The following SI variants were observed in gnomAD, a reference collection of about 807,000 sequenced individuals.
The protein encoded by SI is sucrase-isomaltase, also known as sucrase-isomaltase, intestinal.
SI carries 235 observed loss-of-function variants against 253.3 expected under a neutral mutation model. That is an observed-to-expected ratio of 0.93 (90% CI 0.83 to 1.03). SI has a LOEUF of 1.03. SI is among the 50% of genes least tolerant of loss of function. The probability of loss-of-function intolerance (pLI) is 0.00; values close to 1 mark genes in which losing one functional copy is unlikely to be tolerated. For missense variants in SI, 2,442 were observed against 2,211.1 expected (o/e 1.10, Z -2.09); for synonymous variants, 819 against 712.0 (o/e 1.15, Z -2.39).
intron 3 of SI, among the ~76,000 whole-genome samples, chr3:165,072,113 A>AGTTT (rs1714616515): frequency 6.6e-6 from 1 of 152,092 alleles, no homozygotes. Flanking sequence ...AATTTTAACA[A>AGTTT]TCATGATCTA....
Position 165,007,950 on chromosome 3 carries a change from A to G in SI, c.4228T>C (p.Cys1410Arg). ...GGATAATTTAGTTCGTCATTTCTGC[A>G]TTGATTAGTAGTTGTTCCATTTACA... The part of the protein sequence containing the change: ...SFVNGTTTNQ[C>R]RNDELNYPPY... The change falls in exon 36 of 48, where the codon TGC (cysteine) becomes CGC (arginine). Residue 1410 changes from cysteine to arginine, a missense_variant. Cys to Arg is a radical substitution (Grantham distance 180, BLOSUM62 -3). Transcript: ENST00000264382. The G allele has an allele frequency of 1.2e-6, 2 of 1,603,232 alleles. No homozygotes were observed. Among genetic ancestry groups the G allele is most frequent in the Non-Finnish European group, 1.7e-6 (2 of 1,171,210 alleles).
At chr3:164,988,596 T>A (rs1356513459) in intron 44 of SI, among the ~76,000 whole-genome samples, 1 of 152,138 alleles carries the variant, frequency 6.6e-6, no homozygotes, top group Non-Finnish European at 1.5e-5. Flanking sequence ...TTAGTAGAAA[T>A]GGACCTGGGT....
Position 165,046,981 on chromosome 3 carries a change from T to G in SI, c.1747A>C (p.Ser583Arg). ...AATGTTGAGCGGGTAAGAATGAAGC[T>G]TCTCTTATTAGGAAAAACTTTTTGT... is the stretch of plus-strand genomic sequence containing the variant. Reference protein sequence around the residue: ...AVQKVFPNKRSFILTRSTFAG... With the variant: ...AVQKVFPNKRRFILTRSTFAG... Residue 583 changes from serine (S) to arginine (R), a missense_variant, in exon 16 of 48, where the codon AGC becomes CGC. By Grantham distance (110) the Ser-to-Arg change is moderately radical. Coordinates refer to ENST00000264382, the MANE Select transcript of SI (RefSeq NM_001041.4). The G allele has an allele frequency of 6.2e-7, 1 of 1,610,134 alleles. No individual in the cohort carries two copies. The highest frequency in any genetic ancestry group is 1.1e-5 in the South Asian group (1 of 90,110).
At position 165,015,228 on chromosome 3, in the gene SI, T is replaced by C; in HGVS notation, c.3894A>G (p.Pro1298=). Reference sequence around the variant, plus strand: ...TCTTTGTTTCATTTCCTGAAATTGCTGGATCCTAAAATTAAAATGAAATAT... The same window carrying C: ...TCTTTGTTTCATTTCCTGAAATTGCCGGATCCTAAAATTAAAATGAAATAT... ...EGMRYIIILD[P]AISGNETKTY... is the part of the protein sequence containing the mutation. The change falls in exon 33 of 48, where the codon CCA becomes CCG. Residue 1298 remains proline (P), a synonymous_variant. Transcript: ENST00000264382. 6.2e-7 allele frequency: 1 copy of C among 1,609,944 alleles called. No individual in the cohort carries two copies. Among genetic ancestry groups the C allele is most frequent in the Non-Finnish European group, 8.5e-7 (1 of 1,176,406 alleles).
intron 15 of SI, among the ~76,000 whole-genome samples, chr3:165,047,854 A>AG (rs1713205959): frequency 1.2e-5 from 1 of 82,478 alleles, no homozygotes; most frequent in East Asian, 3.6e-4. Context: ...TTTTTTTTTT[A>AG]TTTTCTAGAA....
In SI at chr3:164,979,437, A is replaced by G. The variant is rs1475799602; in HGVS notation, c.5416-7T>C. ...TCAGATCAATACGTAATATCTAAAA[A>G]AGTAAAATAATAATTAGTTGTTTAA... On this transcript the variant is annotated splice_polypyrimidine_tract_variant and splice_region_variant and intron_variant, in intron 47 of 47. Transcript: ENST00000264382. 1 of 1,422,406 alleles carries G rather than the reference A, an allele frequency of 7.0e-7. No individual in the cohort carries two copies. Among genetic ancestry groups the G allele is most frequent in the Admixed American group, 1.7e-5 (1 of 59,446 alleles). 88.1% of individuals were successfully genotyped at this position (1,422,406 alleles called of 1,614,324 possible).
chr3:165,015,305 C>T lies in SI; in HGVS notation c.3889-72G>A, dbSNP rs1035769498. The T allele has an allele frequency of 6.4e-6, 6 of 931,400 alleles. No homozygotes were observed. In the African/African-American group the frequency reaches 8.2e-5, roughly 13 times the overall value. The allele number at this position is 931,400 out of a possible 1,614,324, so 57.7% of individuals were successfully genotyped here. On this transcript the variant is annotated intron_variant, in intron 32 of 47. Coordinates refer to ENST00000264382, the MANE Select transcript of SI (RefSeq NM_001041.4). ...AACTACTTGGACAGTGATTATGAAG[C>T]ATAAGTTTTCATTACTACATTATCA... is the stretch of plus-strand genomic sequence containing the variant.
At chr3:165,020,933 A>G (rs77489561) in intron 27 of SI, among the ~76,000 whole-genome samples, 2,760 of 151,712 alleles carry the variant, frequency 0.018, 24 homozygotes, top group Middle Eastern at 0.034. Context: ...AACACTTATC[A>G]TGCTTTTTAA....
chr3:165,053,747 C>T (rs575626430), intron 13 of SI, among the ~76,000 whole-genome samples: 74 of 152,240 alleles, frequency 4.9e-4, no homozygotes, highest in African/African-American at 1.7e-3. Context: ...CTCTGTCTCA[C>T]TATTCCTACA....
In SI at chr3:165,030,822, T is replaced by C. The variant is rs1449405814; in HGVS notation, c.2782A>G (p.Ser928Gly). 3 of 1,572,430 alleles carry C rather than the reference T, an allele frequency of 1.9e-6. No individual in the cohort carries two copies. The highest frequency in any genetic ancestry group is 1.5e-5 in the African/African-American group (1 of 68,830). ...GAGAAAATTTGATTCCATTGAACAC[T>C]AAAGTTTCTTCCAAGATTAAGTTTG... Reference protein sequence around the residue: ...DLKLNLGRNFSVQWNQIFSEN... With the variant: ...DLKLNLGRNFGVQWNQIFSEN... The change falls in exon 25 of 48, where the codon AGT becomes GGT. Residue 928 changes from serine to glycine, a missense_variant. Ser to Gly is a moderately conservative substitution (Grantham distance 56). Coordinates refer to ENST00000264382, the MANE Select transcript of SI (RefSeq NM_001041.4).
At chr3:165,036,339 A>G (rs964804922) in intron 22 of SI, 50 bp downstream of exon 22, 6 of 1,298,164 alleles carry the variant, frequency 4.6e-6, no homozygotes, top group Non-Finnish European at 5.6e-6. Flanking sequence ...TAAAGCCAAA[A>G]CTTCCCATTA....
chr3:165,046,830 A>G lies in SI; in HGVS notation c.1887+11T>C. On this transcript the variant is annotated intron_variant, in intron 16 of 47. Transcript: ENST00000264382. ...AGCTTTTATGAGTAACACTCTATGA[A>G]ACTGTCTTACCAAAGGTATTCCAAA... The G allele has an allele frequency of 6.2e-7, 1 of 1,603,880 alleles. No homozygotes were observed. The highest frequency in any genetic ancestry group is 8.5e-7 in the Non-Finnish European group (1 of 1,171,182).
chr3:165,003,325 T>C (rs1366757789), intron 37 of SI, among the ~76,000 whole-genome samples: 2 of 151,990 alleles, frequency 1.3e-5, no homozygotes, highest in Admixed American at 1.3e-4. Context: ...TTTCAATATT[T>C]TTGTTCTTTT....
rs1232442030 is a variant in SI, at chr3:165,021,280, T to C, written c.3203A>G (p.Lys1068Arg). 1.2e-6 allele frequency: 2 copies of C among 1,611,450 alleles called. No individual in the cohort carries two copies. Among genetic ancestry groups the C allele is most frequent in the Admixed American group, 3.3e-5 (2 of 59,764 alleles). Residue 1068 changes from lysine to arginine, a missense_variant, in exon 27 of 48, where the codon AAG becomes AGG. Coordinates refer to ENST00000264382, the MANE Select transcript of SI (RefSeq NM_001041.4). ...AATCTGGATGCCAAAAGGATTTTCC[T>C]TGATTTCCACATCATAAAGTCTGTC... ...YEDRLYDVEI[K>R]ENPFGIQIRR...
chr3:165,032,573 AT>A lies in SI; in HGVS notation c.2684del (p.Asn895IlefsTer5). 1 of 1,609,576 alleles carries A rather than the reference AT, an allele frequency of 6.2e-7. No individual in the cohort carries two copies. ...DSVTEVRVAENNQPMNAHSNF... is the reference protein window; with the variant it reads ...DSVTEVRVAEXNQPMNAHSNF... The stretch of plus-strand genomic sequence containing the variant: ...TGGAATGAGCGTTCATTGGTTGATT[AT>A]TTTCCGCCACTCTAACTTCTGTAAC... On this transcript the variant is annotated frameshift_variant, in exon 24 of 48. Transcript: ENST00000264382. LOFTEE classifies it high-confidence loss of function.
At chr3:165,088,663 T>A in the SI span, among the ~76,000 whole-genome samples, 1 of 151,296 alleles carries the variant, frequency 6.6e-6, no homozygotes, top group African/African-American at 2.4e-5. Flanking sequence ...AAATAAATAA[T>A]AAATACACTT....
intron 22 of SI, among the ~76,000 whole-genome samples, chr3:165,033,798 C>CGTACT (rs1712382848): frequency 6.6e-6 from 1 of 151,402 alleles, no homozygotes. Flanking sequence ...CATAACAGTA[C>CGTACT]ATTTTTCTTA....
At position 165,074,663 on chromosome 3, in the gene SI, A is replaced by G. The variant is rs146222650; in HGVS notation, c.123T>C (p.Ile41=). 10,940 of 1,608,678 alleles carry G rather than the reference A, an allele frequency of 6.8e-3. 48 individuals are homozygous for G. Among genetic ancestry groups the G allele is most frequent in the Non-Finnish European group, 7.8e-3 (9,116 of 1,175,948 alleles). The change falls in exon 3 of 48, where the codon ATT becomes ATC. Residue 41 remains isoleucine (I), a synonymous_variant. Transcript: ENST00000264382. ...TAGCTGGAGTTGAAGTAGAATCACT[A>G]ATTTCTGGGGGAGGAAAAAACTCAA... ...LATKTPAVDE[I]SDSTSTPATT... is the part of the protein sequence containing the mutation.
chr3:165,070,601 G>A (rs1714513187), intron 3 of SI, among the ~76,000 whole-genome samples: 3 of 151,536 alleles, frequency 2.0e-5, no homozygotes, highest in African/African-American at 7.3e-5. Flanking sequence ...TGAAAGATTT[G>A]TATATAAAAC....
Sources: gnomAD v4.1 joint callset for allele counts (sites outside exome capture counted in the v4.1 genomes callset) on GRCh38, gnomAD v4.1.1 for gene constraint, MANE v1.5 for transcripts, NCBI Gene and HGNC (gene_info 2026-07-23, HGNC 2026-07-21) for gene names.